HYDIN: variants seen among roughly 807,000 people sequenced by gnomAD.
HYDIN encodes the protein axonemal central pair apparatus protein HYDIN.
Under a neutral mutation model 403.9 loss-of-function variants are expected in HYDIN, and 132 were observed. The ratio of observed to expected loss-of-function variants is 0.33; its 90% CI spans 0.28 to 0.38. HYDIN has a LOEUF of 0.38. Ranked by LOEUF, HYDIN falls within the 10% of genes least tolerant of loss-of-function variation. The probability of loss-of-function intolerance (pLI) is 1.00; values close to 1 mark genes in which losing one functional copy is unlikely to be tolerated. For missense variants in HYDIN, 2,827 were observed against 5,009.5 expected, an observed-to-expected ratio of 0.56 and a Z score of 13.15; for synonymous variants, 1,202 against 1,891.7, an observed-to-expected ratio of 0.64 and a Z score of 9.46.
At chr16:71,029,609 C>T (rs1597589478) in intron 19 of HYDIN, among the ~76,000 whole-genome samples, 2 of 121,614 alleles carry the variant, frequency 1.6e-5, no homozygotes, top group East Asian at 4.5e-4. Flanking sequence ...CAATGACAAA[C>T]TACCCTCGCT....
intron 10 of HYDIN, among the ~76,000 whole-genome samples, chr16:71,098,270 C>T (rs1355190086): frequency 6.7e-6 from 1 of 149,004 alleles, no homozygotes; most frequent in Non-Finnish European, 1.5e-5. Context: ...GGTGCGATCT[C>T]GGCTCACTGC....
At chr16:71,225,138 A>T (rs1567475463) in intron 1 of HYDIN, among the ~76,000 whole-genome samples, 1 of 152,210 alleles carries the variant, frequency 6.6e-6, no homozygotes, top group African/African-American at 2.4e-5. Flanking sequence ...GAAGTGGAAC[A>T]GCATGAGAGC....
At chr16:70,834,419 T>C (rs537228461) in intron 78 of HYDIN, among the ~76,000 whole-genome samples, 91 of 152,198 alleles carry the variant, frequency 6.0e-4, no homozygotes, top group African/African-American at 2.0e-3. Context: ...GACCCTTTCC[T>C]AACTTATTTT....
At chr16:71,220,195 T>C (rs775808689) in intron 1 of HYDIN, among the ~76,000 whole-genome samples, 1 of 152,180 alleles carries the variant, frequency 6.6e-6, no homozygotes, top group Non-Finnish European at 1.5e-5. Flanking sequence ...AGGCTATGAG[T>C]TTCTTTCAAA....
intron 30 of HYDIN, among the ~76,000 whole-genome samples, chr16:70,977,889 T>G (rs1156244313): frequency 6.6e-6 from 1 of 151,888 alleles, no homozygotes; most frequent in Admixed American, 6.6e-5. Flanking sequence ...TGGGGTATTT[T>G]GGGGCTACAT....
intron 18 of HYDIN, among the ~76,000 whole-genome samples, chr16:71,042,829 C>A (rs945333836): frequency 6.6e-6 from 1 of 152,076 alleles, no homozygotes; most frequent in African/African-American, 2.4e-5. Flanking sequence ...CCCATCTGGA[C>A]AGGCTGCCCT....
At chr16:71,218,474 A>C (rs1291981240) in intron 1 of HYDIN, among the ~76,000 whole-genome samples, 1 of 152,212 alleles carries the variant, frequency 6.6e-6, no homozygotes, top group East Asian at 1.9e-4. Flanking sequence ...GGGGAGGAGG[A>C]AAAGCTATTT....
chr16:70,908,629 T>A, intron 48 of HYDIN, 24 bp downstream of exon 48: 1 of 1,489,554 alleles, frequency 6.7e-7, no homozygotes, highest in Non-Finnish European at 9.2e-7. Context: ...CAGATTCCCC[T>A]CCCTGGGTTG....
chr16:70,992,207 A>T lies in HYDIN; in HGVS notation c.3648T>A (p.Phe1216Leu). The T allele has an allele frequency of 6.3e-7, 1 of 1,577,498 alleles. No individual in the cohort carries two copies. The highest frequency in any genetic ancestry group is 1.9e-5 in the Admixed American group (1 of 53,252). Residue 1216 changes from phenylalanine to leucine, a missense_variant, in exon 24 of 86, where the codon TTT becomes TTA. Transcript: ENST00000393567. ...LVNDEENQIR[F>L]VTLPKKPYSA... ...TGTAGGGCTTCTTCGGCAATGTCAC[A>T]AACCTACCAAAGCATGGGACAGGGA... is the stretch of plus-strand genomic sequence containing the variant.
chr16:70,841,288 C>T (rs908676918), intron 75 of HYDIN, among the ~76,000 whole-genome samples: 2 of 152,086 alleles, frequency 1.3e-5, no homozygotes, highest in African/African-American at 4.8e-5. Context: ...TCATCTTCAA[C>T]TCTTCTGCCA....
chr16:71,088,570 C>T (rs1217880111), intron 11 of HYDIN, 46 bp from the exon 12 acceptor site: 1 of 631,918 alleles, frequency 1.6e-6, no homozygotes, highest in Non-Finnish European at 2.9e-6. Flanking sequence ...GGGCCTCTGA[C>T]CTATTTTCAT....
rs1597747529 is a variant in HYDIN at position 71,088,497 on chromosome 16, C to T, written c.1474G>A (p.Asp492Asn). The part of the protein sequence containing the change: ...EAILYNKGSI[D>N]ALFNMTPPTS... ...GGAGGGGTCATGTTGAAGAGAGCAT[C>T]GATGCTGCCTTTGTTGTACAGTATC... The change falls in exon 12 of 86, where the codon GAT becomes AAT. Residue 492 changes from aspartate (D) to asparagine (N), a missense_variant. Physicochemically the swap from Asp to Asn is conservative, Grantham distance 23. Coordinates refer to ENST00000393567, the MANE Select transcript of HYDIN (RefSeq NM_001270974.2). 4 of 693,078 alleles carry T rather than the reference C, an allele frequency of 5.8e-6. No homozygotes were observed. The highest frequency in any genetic ancestry group is 3.8e-5 in the South Asian group (2 of 53,320). The allele number at this position is 693,078 out of a possible 1,614,324, so 42.9% of individuals were successfully genotyped here.
intron 10 of HYDIN, among the ~76,000 whole-genome samples, chr16:71,115,017 G>A (rs910762284): frequency 6.0e-5 from 9 of 149,442 alleles, no homozygotes; most frequent in African/African-American, 2.2e-4. Context: ...GAACAAAAAA[G>A]GAGATTGTGG....
chr16:71,065,259 C>G (rs1051095209), intron 15 of HYDIN, among the ~76,000 whole-genome samples: 4 of 152,208 alleles, frequency 2.6e-5, no homozygotes, highest in African/African-American at 7.2e-5. Context: ...GGACTAGCGA[C>G]AGCTCACATC....
chr16:70,833,867 G>A lies in HYDIN; in HGVS notation c.13679+20C>T, dbSNP rs965798498. On this transcript the variant is annotated intron_variant, in intron 79 of 85. Transcript: ENST00000393567. ...GCAGCCTCTGGGGCAGCCTCAGGGT[G>A]GGAGACACTGCTCCCTTACCTTGCA... 12 of 1,595,256 alleles carry A rather than the reference G, an allele frequency of 7.5e-6. No homozygotes were observed. The African/African-American group carries it at 1.3e-4, about 18-fold the overall frequency.
intron 23 of HYDIN, among the ~76,000 whole-genome samples, chr16:71,004,799 T>A (rs1913109): frequency 2.5e-4 from 36 of 146,022 alleles, no homozygotes; most frequent in African/African-American, 5.7e-4. Flanking sequence ...AGTTTGAAAT[T>A]ATTTATTTCT....
chr16:70,881,096 C>T (rs555589157), intron 60 of HYDIN, among the ~76,000 whole-genome samples: 3 of 140,494 alleles, frequency 2.1e-5, no homozygotes, highest in African/African-American at 9.4e-5. Context: ...CATGGTGGTG[C>T]GTGCCTGTAG....
At chr16:71,172,474 T>C (rs950549716) in intron 5 of HYDIN, among the ~76,000 whole-genome samples, 1 of 152,230 alleles carries the variant, frequency 6.6e-6, no homozygotes, top group African/African-American at 2.4e-5. Flanking sequence ...CTACAGTATA[T>C]GATAGGTACA....
intron 3 of HYDIN, among the ~76,000 whole-genome samples, chr16:71,182,771 T>C (rs1457311680): frequency 6.6e-6 from 1 of 152,142 alleles, no homozygotes; most frequent in African/African-American, 2.4e-5. Context: ...AAAGCCTTTT[T>C]TCCTAGAAGA....
Sources: allele counts gnomAD v4.1 joint callset (sites outside exome capture counted in the v4.1 genomes callset), GRCh38; gene constraint gnomAD v4.1.1; transcripts MANE v1.5; gene names NCBI Gene and HGNC (gene_info 2026-07-23, HGNC 2026-07-21).